PLGRKT: variants seen among roughly 807,000 people sequenced by gnomAD.
The protein encoded by PLGRKT is plasminogen receptor (KT).
A neutral mutation model predicts 18.5 loss-of-function variants in PLGRKT; 22 were observed. The ratio of observed to expected loss-of-function variants is 1.19; its 90% CI spans 0.85 to 1.70. The LOEUF (loss-of-function observed/expected upper bound fraction) is 1.70, where lower values mean the gene tolerates loss of function less well. Ranked by LOEUF, PLGRKT falls within the 40% of genes most tolerant of loss-of-function variation. PLGRKT has a pLI of 0.00. For missense variants in PLGRKT, 235 were observed against 174.4 expected (o/e 1.35, Z -1.96); for synonymous variants, 72 against 52.8 (o/e 1.36, Z -1.58).
chr9:5,402,358 C>G (rs183141970), intron 3 of PLGRKT, among the ~76,000 whole-genome samples: 1 of 151,868 alleles, frequency 6.6e-6, no homozygotes, highest in African/African-American at 2.4e-5. Context: ...AAACCATGAA[C>G]TCTTTTAGGC....
intron 5 of PLGRKT, among the ~76,000 whole-genome samples, chr9:5,358,821 T>C (rs1049841319): frequency 2.6e-5 from 4 of 152,192 alleles, no homozygotes; most frequent in African/African-American, 9.6e-5. Flanking sequence ...ATATTAAATG[T>C]TCTTCAGTCT....
At chr9:5,419,835 T>C (rs957549826) in intron 3 of PLGRKT, among the ~76,000 whole-genome samples, 1 of 152,188 alleles carries the variant, frequency 6.6e-6, no homozygotes, top group African/African-American at 2.4e-5. Flanking sequence ...AAGTTAAGCA[T>C]AAAATTACCA....
At position 5,418,228 on chromosome 9, in the gene PLGRKT, G is replaced by A. The variant is rs181139269; in HGVS notation, c.81+13669C>T. 6.8e-5 allele frequency: 22 copies of A among 325,244 alleles called. No homozygotes were observed. In the East Asian group the frequency reaches 6.9e-4, roughly 10 times the overall value. The allele number at this position is 325,244 out of a possible 1,614,324, so 20.1% of individuals were successfully genotyped here. A position where few individuals can be genotyped will look rare whatever the true frequency, so the allele number is the denominator to read the frequency against. On this transcript the variant is annotated intron_variant, in intron 3 of 5. Transcript: ENST00000223864. The surrounding 1 kb of genome is among the most constrained non-coding windows in gnomAD (Gnocchi z 4.2). ...CTTCTGCCCTTCATGTCTGTCTTGC[G>A]GTAAATCAAGAGGCAAACCAGAGGC...
intron 3 of PLGRKT, among the ~76,000 whole-genome samples, chr9:5,424,415 CATATAAT>C (rs1190992989): frequency 1.6e-5 from 2 of 122,396 alleles, no homozygotes; most frequent in Non-Finnish European, 3.2e-5. Context: ...TATATATTAA[CATATAAT>C]ATATAACATA....
intron 3 of PLGRKT, among the ~76,000 whole-genome samples, chr9:5,365,132 A>T (rs542429769): frequency 4.1e-4 from 63 of 152,254 alleles, no homozygotes; most frequent in African/African-American, 1.5e-3. Flanking sequence ...AAAATAAATA[A>T]ATAAACCAGG....
chr9:5,402,033 A>G (rs957856772), intron 3 of PLGRKT, among the ~76,000 whole-genome samples: 2 of 151,932 alleles, frequency 1.3e-5, no homozygotes, highest in East Asian at 1.9e-4. Flanking sequence ...AGGTATGTAA[A>G]GCAGTTTGAG....
intron 2 of PLGRKT, among the ~76,000 whole-genome samples, chr9:5,434,112 C>G (rs929952366): frequency 6.2e-5 from 9 of 145,016 alleles, no homozygotes; most frequent in Admixed American, 2.0e-4. Context: ...GCCACCCTGT[C>G]TGGGAGGTCA....
Position 5,391,528 on chromosome 9 carries a change from C to T in PLGRKT, c.82-29640G>A, listed in dbSNP as rs372417433. On this transcript the variant is annotated intron_variant, in intron 3 of 5. Coordinates refer to ENST00000223864, the MANE Select transcript of PLGRKT (RefSeq NM_018465.4). ...ACATCACACTGGCCACATCTTTGGC[C>T]TTTGGTCAGAAGCAGTGATAAACTG... 2.9e-4 allele frequency among the ~76,000 whole-genome samples: 44 copies of T among 152,048 alleles called. No individual in the cohort carries two copies. In the South Asian group the frequency reaches 8.7e-3, roughly 30 times the overall value.
chr9:5,388,709 C>T (rs546206151), intron 3 of PLGRKT, among the ~76,000 whole-genome samples: 1 of 152,156 alleles, frequency 6.6e-6, no homozygotes, highest in Admixed American at 6.5e-5. Context: ...TCTGTAATTT[C>T]TGCTAGAACT....
chr9:5,424,123 AATAT>A (rs1046407930), intron 3 of PLGRKT, among the ~76,000 whole-genome samples: 10 of 142,298 alleles, frequency 7.0e-5, no homozygotes, highest in Non-Finnish European at 1.4e-4. Context: ...TCTATATTAT[AATAT>A]ATATTACATA....
chr9:5,370,063 G>A (rs1176845376), intron 3 of PLGRKT, among the ~76,000 whole-genome samples: 3 of 151,464 alleles, frequency 2.0e-5, no homozygotes, highest in Admixed American at 6.6e-5. Context: ...CATGTATCCC[G>A]GAATTTAAAG....
chr9:5,383,084 C>T (rs1039300365), intron 3 of PLGRKT, among the ~76,000 whole-genome samples: 1 of 152,128 alleles, frequency 6.6e-6, no homozygotes, highest in African/African-American at 2.4e-5. Flanking sequence ...GACAAATGTC[C>T]TTATAAAAGA....
rs190924295 is a variant in PLGRKT, at chr9:5,365,717, C to T, written c.82-3829G>A. On this transcript the variant is annotated intron_variant, in intron 3 of 5. Transcript: ENST00000223864. ...ATCAATGTTAGTTTCTTATTTGTGG[C>T]AAATGTGCCATGGTAATGGTAAGAT... Among the ~76,000 whole-genome samples, 38 of 152,216 alleles carry T rather than the reference C, an allele frequency of 2.5e-4. 1 individual carries two copies. The South Asian group carries it at 3.3e-3, about 13-fold the overall frequency.
chr9:5,418,862 G>T lies in PLGRKT; in HGVS notation c.81+13035C>A. 3 of 1,048,304 alleles carry T rather than the reference G, an allele frequency of 2.9e-6. No individual in the cohort carries two copies. Among genetic ancestry groups the T allele is most frequent in the Non-Finnish European group, 3.0e-6 (2 of 676,790 alleles). 64.9% of individuals were successfully genotyped at this position (1,048,304 alleles called of 1,614,324 possible). On this transcript the variant is annotated intron_variant, in intron 3 of 5. Transcript: ENST00000223864. This position sits in a 1 kb window ranked among gnomAD's most constrained non-coding sequence, Gnocchi z 4.2. ...TCCTTCTGGCTGGTCCTCGTCTGCT[G>T]GAGGCAAACTGAACAGCAGGTGTGC... is the stretch of plus-strand genomic sequence containing the variant.
chr9:5,391,485 C>G (rs1817948616), intron 3 of PLGRKT, among the ~76,000 whole-genome samples: 1 of 151,948 alleles, frequency 6.6e-6, no homozygotes, highest in African/African-American at 2.4e-5. Context: ...ATGAGCTGTG[C>G]TTCTGGGTAC....
chr9:5,421,823 A>T (rs1157682610), intron 3 of PLGRKT, among the ~76,000 whole-genome samples: 1 of 152,232 alleles, frequency 6.6e-6, no homozygotes, highest in Admixed American at 6.5e-5. Flanking sequence ...GGTCTTATCT[A>T]AGGGACATAG....
intron 3 of PLGRKT, among the ~76,000 whole-genome samples, chr9:5,397,981 T>G (rs971653740): frequency 2.6e-5 from 4 of 151,922 alleles, no homozygotes; most frequent in Admixed American, 1.3e-4. Context: ...CTGAGATCTG[T>G]GCAAATAGGA....
At chr9:5,387,612 T>C (rs1000090392) in intron 3 of PLGRKT, among the ~76,000 whole-genome samples, 1 of 151,802 alleles carries the variant, frequency 6.6e-6, no homozygotes, top group African/African-American at 2.4e-5. Flanking sequence ...TTTATGGGGA[T>C]AGAAGTCTAG....
At chr9:5,389,437 G>C (rs184725782) in intron 3 of PLGRKT, among the ~76,000 whole-genome samples, 1 of 151,868 alleles carries the variant, frequency 6.6e-6, no homozygotes, top group Non-Finnish European at 1.5e-5. Flanking sequence ...CGGTCTAGCT[G>C]ATAGTGCCAG....
Sources: allele counts gnomAD v4.1 joint callset (sites outside exome capture counted in the v4.1 genomes callset), GRCh38; gene constraint gnomAD v4.1.1; non-coding constraint Gnocchi (gnomAD v3.1); transcripts MANE v1.5; gene names NCBI Gene and HGNC (gene_info 2026-07-23, HGNC 2026-07-21).